Variants in UNC5D observed in about 807,000 individuals in gnomAD.
UNC5D encodes unc-5 netrin receptor D, also known as netrin receptor UNC5D.
A neutral mutation model predicts 105.4 loss-of-function variants in UNC5D; 39 were observed. The ratio of observed to expected loss-of-function variants is 0.37; its 90% CI spans 0.29 to 0.48. UNC5D has a LOEUF of 0.48. Ranked by LOEUF, UNC5D falls within the 20% of genes least tolerant of loss-of-function variation. The pLI, the probability that UNC5D is intolerant of heterozygous loss-of-function variation, is 0.98. For missense variants in UNC5D, 991 were observed against 1,202.4 expected, an observed-to-expected ratio of 0.82 and a Z score of 2.60; for synonymous variants, 452 against 450.4, an observed-to-expected ratio of 1.00 and a Z score of -0.04.
chr8:35,674,301 C>A (rs74717363), intron 4 of UNC5D, among the ~76,000 whole-genome samples: 1,636 of 152,194 alleles, frequency 0.011, 32 homozygotes, highest in African/African-American at 0.038. Flanking sequence ...CCAAATCTAG[C>A]AAATGATAGG....
chr8:35,293,787 T>C (rs1268792445), intron 1 of UNC5D, among the ~76,000 whole-genome samples: 6 of 152,246 alleles, frequency 3.9e-5, no homozygotes, highest in Non-Finnish European at 7.3e-5. Flanking sequence ...ACTTAAATGA[T>C]GTCCTCTCAA....
At chr8:35,410,377 T>A (rs1528705) in intron 1 of UNC5D, among the ~76,000 whole-genome samples, 77,781 of 151,796 alleles carry the variant, frequency 0.51, 20,408 homozygotes, top group East Asian at 0.7. Context: ...GTCAAAATGA[T>A]GTTCTAGCAG....
intron 4 of UNC5D, among the ~76,000 whole-genome samples, chr8:35,651,274 A>G (rs1823387236): frequency 6.6e-6 from 1 of 152,240 alleles, no homozygotes; most frequent in Admixed American, 6.5e-5. Context: ...AAATACAGGG[A>G]ACTAAAGGAA....
At chr8:35,384,831 G>A (rs1803281883) in intron 1 of UNC5D, among the ~76,000 whole-genome samples, 1 of 152,212 alleles carries the variant, frequency 6.6e-6, no homozygotes. Context: ...TTTTACATCT[G>A]TGAGTTGACA....
chr8:35,785,153 G>A (rs779872000), intron 16 of UNC5D, among the ~76,000 whole-genome samples: 7 of 151,890 alleles, frequency 4.6e-5, no homozygotes, highest in East Asian at 1.9e-4. Flanking sequence ...TCCCTGAATG[G>A]TGTGTGCATT....
At chr8:35,595,457 A>C in intron 3 of UNC5D, 97 bp from the exon 4 acceptor site, 1 of 913,274 alleles carries the variant, frequency 1.1e-6, no homozygotes. Context: ...GTGTGTGTCT[A>C]GGTTGTGATA....
intron 1 of UNC5D, among the ~76,000 whole-genome samples, chr8:35,259,918 T>C (rs1424450145): frequency 6.6e-6 from 1 of 152,128 alleles, no homozygotes; most frequent in East Asian, 1.9e-4. Context: ...ATTTGATTTT[T>C]ATTTTTTCCT....
chr8:35,384,144 T>C (rs1803223981), intron 1 of UNC5D, among the ~76,000 whole-genome samples: 1 of 150,166 alleles, frequency 6.7e-6, no homozygotes, highest in African/African-American at 2.5e-5. Context: ...GGTGTGAACC[T>C]GTGAGGCGGA....
chr8:35,387,111 A>G (rs1212894055), intron 1 of UNC5D, among the ~76,000 whole-genome samples: 1 of 151,882 alleles, frequency 6.6e-6, no homozygotes, highest in Non-Finnish European at 1.5e-5. Context: ...CTGTAATCCC[A>G]GCACTTTGGG....
rs1360141029 is a variant in UNC5D, at chr8:35,793,036, G to A, written c.*2473G>A. 1 of 454,160 alleles carries A rather than the reference G, an allele frequency of 2.2e-6. No individual in the cohort carries two copies. Among genetic ancestry groups the A allele is most frequent in the Middle Eastern group, 3.3e-4 (1 of 3,058 alleles). 28.1% of individuals were successfully genotyped at this position (454,160 alleles called of 1,614,324 possible). A position where few individuals can be genotyped will look rare whatever the true frequency, so the allele number is the denominator to read the frequency against. On this transcript the variant is annotated 3_prime_UTR_variant, in exon 17 of 17. Coordinates refer to ENST00000404895, the MANE Select transcript of UNC5D (RefSeq NM_080872.4). ...TCATATCATATAGGATAACAAAGGA[G>A]GAAGTTAACTTAATTCACCTCAGAC...
intron 1 of UNC5D, among the ~76,000 whole-genome samples, chr8:35,536,918 C>T (rs562778192): frequency 6.6e-6 from 1 of 152,238 alleles, no homozygotes; most frequent in African/African-American, 2.4e-5. Flanking sequence ...ATCACTTGAA[C>T]AGGGGAGGCG....
chr8:35,525,803 T>G, intron 1 of UNC5D: 14 of 1,465,188 alleles, frequency 9.6e-6, no homozygotes, highest in Non-Finnish European at 1.3e-5. Flanking sequence ...CTAACTTTTT[T>G]GTTTTAATTA....
At chr8:35,363,367 T>TATGAG (rs1228484188) in intron 1 of UNC5D, among the ~76,000 whole-genome samples, 1 of 152,124 alleles carries the variant, frequency 6.6e-6, no homozygotes, top group African/African-American at 2.4e-5. Flanking sequence ...TATTCACTAC[T>TATGAG]ATGAGAACAA....
chr8:35,341,203 TATA>T (rs149820597), intron 1 of UNC5D, among the ~76,000 whole-genome samples: 1,624 of 152,246 alleles, frequency 0.011, 33 homozygotes, highest in African/African-American at 0.036. Flanking sequence ...TTTTTTCCAT[TATA>T]ATCTAGAAAT....
intron 1 of UNC5D, among the ~76,000 whole-genome samples, chr8:35,305,597 C>CTTTCTTTCTT (rs1554505774): frequency 2.3e-5 from 2 of 86,744 alleles, no homozygotes; most frequent in African/African-American, 6.5e-5. Flanking sequence ...TTCTTTCTTT[C>CTTTCTTTCTT]TTTCTTTCTT....
rs1397645167 is a variant in UNC5D at position 35,392,642 on chromosome 8, A to G, written c.104-156650A>G. On this transcript the variant is annotated intron_variant, in intron 1 of 16. Transcript: ENST00000404895. Reference sequence around the variant, plus strand: ...ATTGGCACACCTAGTAATCTAAGATACTCTACCCATTACAAAGTCACATCG... The same window carrying G: ...ATTGGCACACCTAGTAATCTAAGATGCTCTACCCATTACAAAGTCACATCG... Among the ~76,000 whole-genome samples, 3 of 152,156 alleles carry G rather than the reference A, an allele frequency of 2.0e-5. No individual in the cohort carries two copies. The East Asian group carries it at 5.8e-4, about 29-fold the overall frequency.
At chr8:35,444,673 A>G (rs1807658391) in intron 1 of UNC5D, among the ~76,000 whole-genome samples, 1 of 152,016 alleles carries the variant, frequency 6.6e-6, no homozygotes, top group Non-Finnish European at 1.5e-5. Context: ...ATGTGGACCC[A>G]GGATGGAAAT....
Position 35,760,571 on chromosome 8 carries a change from C to T in UNC5D, c.2313+1102C>T, listed in dbSNP as rs560057438. Among the ~76,000 whole-genome samples the T allele has an allele frequency of 5.3e-5, 8 of 152,246 alleles. 1 individual carries two copies. Among genetic ancestry groups the T allele is most frequent in the African/African-American group, 1.9e-4 (8 of 41,548 alleles). On this transcript the variant is annotated intron_variant, in intron 14 of 16. Transcript: ENST00000404895. ...TCCCAGTGATACATATTACAGTAAG[C>T]GGCTAGCTAGCCTACCATAGTTTCT...
intron 11 of UNC5D, among the ~76,000 whole-genome samples, chr8:35,736,629 C>T (rs976433458): frequency 2.0e-5 from 3 of 152,128 alleles, no homozygotes; most frequent in African/African-American, 7.2e-5. Flanking sequence ...GTGGTATATA[C>T]GGTGACCACA....
Sources: allele counts gnomAD v4.1 joint callset (sites outside exome capture counted in the v4.1 genomes callset), GRCh38; gene constraint gnomAD v4.1.1; transcripts MANE v1.5; gene names NCBI Gene and HGNC (gene_info 2026-07-23, HGNC 2026-07-21).